LANCL2: variants seen among roughly 807,000 people sequenced by gnomAD.
LANCL2 encodes LanC like glutathione S-transferase 2.
LANCL2 carries 33 observed loss-of-function variants against 56.9 expected under a neutral mutation model. The ratio of observed to expected loss-of-function variants is 0.58; its 90% CI spans 0.44 to 0.78. LANCL2 has a LOEUF of 0.78. Among genes scored for constraint, LANCL2 ranks in the 30% least tolerant of loss-of-function variants. The pLI is 0.00. For missense variants in LANCL2, 562 were observed against 580.2 expected (o/e 0.97, Z 0.32); for synonymous variants, 233 against 228.2 (o/e 1.02, Z -0.19).
In LANCL2 at chr7:55,403,171, G is replaced by A. The variant is rs541570523; in HGVS notation, c.825+1851G>A. Among the ~76,000 whole-genome samples the A allele has an allele frequency of 1.2e-4, 18 of 152,390 alleles. No homozygotes were observed. In the East Asian group the frequency reaches 3.3e-3, roughly 28 times the overall value. The stretch of plus-strand genomic sequence containing the variant: ...ACCATTGAACACTGAGTGAGTGAAC[G>A]CGACTCCGTCTGCCATCCCGGCACC... On this transcript the variant is annotated intron_variant, in intron 5 of 8. Transcript: ENST00000254770.
rs1245623798 is a variant in LANCL2, at chr7:55,433,180, C to G, written c.*1860C>G. 1 of 152,330 alleles carries G rather than the reference C, an allele frequency of 6.6e-6. No individual in the cohort carries two copies. The highest frequency in any genetic ancestry group is 1.5e-5 in the Non-Finnish European group (1 of 68,092). The allele number at this position is 152,330 out of a possible 1,614,324, so 9.4% of individuals were successfully genotyped here. On this transcript the variant is annotated 3_prime_UTR_variant, in exon 9 of 9. Coordinates refer to ENST00000254770, the MANE Select transcript of LANCL2 (RefSeq NM_018697.4). ...CAGACGAGGAGGCAGCGGGTGCAGC[C>G]AGGTGTCTGCAGAGCAGCCACAAAG...
At position 55,431,523 on chromosome 7, in the gene LANCL2, C is replaced by T; in HGVS notation, c.*203C>T. On this transcript the variant is annotated 3_prime_UTR_variant, in exon 9 of 9. Coordinates refer to ENST00000254770, the MANE Select transcript of LANCL2 (RefSeq NM_018697.4). ...ATCAATATAAAATATGACTTCTTCA[C>T]ATACAGATTCTCTGTAGTGTTTGCA... is the stretch of plus-strand genomic sequence containing the variant. 2 of 530,786 alleles carry T rather than the reference C, an allele frequency of 3.8e-6. No homozygotes were observed. Among genetic ancestry groups the T allele is most frequent in the Non-Finnish European group, 6.6e-6 (2 of 301,036 alleles). 32.9% of individuals were successfully genotyped at this position (530,786 alleles called of 1,614,324 possible).
At chr7:55,406,259 T>A (rs1790405602) in intron 5 of LANCL2, among the ~76,000 whole-genome samples, 2 of 152,170 alleles carry the variant, frequency 1.3e-5, no homozygotes, top group African/African-American at 4.8e-5. Flanking sequence ...TTTTCCACCC[T>A]CTGAGTCAAA....
At chr7:55,408,811 T>G (rs1436143726) in intron 5 of LANCL2, among the ~76,000 whole-genome samples, 2 of 151,470 alleles carry the variant, frequency 1.3e-5, no homozygotes, top group East Asian at 4.0e-4. Flanking sequence ...AAAGAGACAA[T>G]GCTTAAAACA....
intron 1 of LANCL2, among the ~76,000 whole-genome samples, chr7:55,372,756 A>T (rs1525807): frequency 0.35 from 53,471 of 152,098 alleles, 9,870 homozygotes; most frequent in African/African-American, 0.42. Flanking sequence ...TTTCAGTGGA[A>T]TACAGAAAAA....
At chr7:55,393,377 C>T (rs1455296741) in intron 2 of LANCL2, among the ~76,000 whole-genome samples, 2 of 152,062 alleles carry the variant, frequency 1.3e-5, no homozygotes, top group African/African-American at 4.8e-5. Context: ...ACTAAAAATA[C>T]GAAAATTAGC....
intron 1 of LANCL2, among the ~76,000 whole-genome samples, chr7:55,374,211 T>C (rs557520136): frequency 6.6e-6 from 1 of 152,376 alleles, no homozygotes; most frequent in African/African-American, 2.4e-5. Flanking sequence ...GTAAACTTCC[T>C]TGTGGTTATG....
intron 1 of LANCL2, among the ~76,000 whole-genome samples, chr7:55,377,304 C>T (rs928448180): frequency 1.3e-5 from 2 of 152,012 alleles, no homozygotes; most frequent in Admixed American, 1.3e-4. Context: ...CTCAATTATT[C>T]CTGTGATGTA....
At chr7:55,367,249 C>T (rs962651669) in intron 1 of LANCL2, among the ~76,000 whole-genome samples, 11 of 152,198 alleles carry the variant, frequency 7.2e-5, no homozygotes, top group African/African-American at 2.4e-4. Context: ...AAAACCGTAC[C>T]TTTACCAGGT....
rs1790089834 is a variant in LANCL2 at position 55,383,381 on chromosome 7, G to A, written c.205-8412G>A. Among the ~76,000 whole-genome samples the A allele has an allele frequency of 2.0e-5, 3 of 152,080 alleles. No homozygotes were observed. In the South Asian group the frequency reaches 6.2e-4, roughly 32 times the overall value. On this transcript the variant is annotated intron_variant, in intron 1 of 8. Transcript: ENST00000254770. ...AGGAGGCAGTATCTGATTTACATAG[G>A]GCCCAGGGGATTGGTTTGACCATGT...
chr7:55,428,309 T>G, intron 7 of LANCL2, 66 bp from the exon 8 acceptor site: 7 of 1,383,106 alleles, frequency 5.1e-6, no homozygotes, highest in Non-Finnish European at 6.2e-6. Context: ...AGACATTGCA[T>G]TCTCATTTAT....
chr7:55,425,999 A>G (rs1006510652), intron 7 of LANCL2, among the ~76,000 whole-genome samples: 5 of 152,094 alleles, frequency 3.3e-5, no homozygotes, highest in African/African-American at 1.2e-4. Context: ...TGCCCTCTCT[A>G]AGAACGGAGT....
chr7:55,422,410 C>T (rs1348909779), intron 6 of LANCL2, among the ~76,000 whole-genome samples: 4 of 152,092 alleles, frequency 2.6e-5, no homozygotes, highest in African/African-American at 4.8e-5. Flanking sequence ...GGAACATGTG[C>T]TTTTTCTCTA....
chr7:55,409,729 G>A (rs1790451624), intron 5 of LANCL2, among the ~76,000 whole-genome samples: 1 of 152,194 alleles, frequency 6.6e-6, no homozygotes, highest in Non-Finnish European at 1.5e-5. Flanking sequence ...CAAAGTCATA[G>A]TAGATTTGAC....
rs34481346 is a variant in LANCL2, at chr7:55,403,569, G to GTTTTTTTTTT, written c.825+2260_825+2269dup. On this transcript the variant is annotated intron_variant, in intron 5 of 8. Coordinates refer to ENST00000254770, the MANE Select transcript of LANCL2 (RefSeq NM_018697.4). Reference sequence around the variant, plus strand: ...TCTGGGTTTTTTTTGTTTGTTTGTTGTTTTTTTTTTTTTTTTTTTTGAGAC... The same window carrying GTTTTTTTTTT: ...TCTGGGTTTTTTTTGTTTGTTTGTTGTTTTTTTTTTTTTTTTTTTTTTTTTTTTTTGAGAC... 2.0e-5 allele frequency among the ~76,000 whole-genome samples: 2 copies of GTTTTTTTTTT among 99,486 alleles called. 1 individual carries two copies. The highest frequency in any genetic ancestry group is 7.8e-5 in the African/African-American group (2 of 25,530). 65.3% of individuals were successfully genotyped at this position (99,486 alleles called of 152,430 possible). A position where few individuals can be genotyped will look rare whatever the true frequency, so the allele number is the denominator to read the frequency against.
At position 55,425,358 on chromosome 7, in the gene LANCL2, T is replaced by C; in HGVS notation, c.1113T>C (p.Ala371=). Residue 371 remains alanine (A), a synonymous_variant, in exon 7 of 9, where the codon GCT becomes GCC. Transcript: ENST00000254770. ...GCTACGGGATATGCCATGGGACTGC[T>C]GGCAACGGCTATTCCTTCCTGTCCC... ...RKGYGICHGT[A]GNGYSFLSLY... 6.2e-7 allele frequency: 1 copy of C among 1,614,212 alleles called. No homozygotes were observed. Among genetic ancestry groups the C allele is most frequent in the Non-Finnish European group, 8.5e-7 (1 of 1,180,042 alleles).
At chr7:55,375,661 G>A (rs1178809219) in intron 1 of LANCL2, among the ~76,000 whole-genome samples, 1 of 152,238 alleles carries the variant, frequency 6.6e-6, no homozygotes, top group Non-Finnish European at 1.5e-5. Flanking sequence ...TTAAAATGAA[G>A]TCAGAAGTCC....
chr7:55,366,494 C>T (rs1279337751), intron 1 of LANCL2, among the ~76,000 whole-genome samples: 1 of 152,238 alleles, frequency 6.6e-6, no homozygotes, highest in African/African-American at 2.4e-5. Context: ...TCCTTCTTGG[C>T]CCGAGCGGCG....
intron 6 of LANCL2, 149 bp downstream of exon 6, chr7:55,412,238 AC>A (rs1393091195): frequency 1.5e-6 from 1 of 651,254 alleles, no homozygotes; most frequent in Non-Finnish European, 2.6e-6. Flanking sequence ...TCTGTATTTT[AC>A]CACTCATCAC....
Sources: allele counts gnomAD v4.1 joint callset (sites outside exome capture counted in the v4.1 genomes callset), GRCh38; gene constraint gnomAD v4.1.1; transcripts MANE v1.5; gene names NCBI Gene and HGNC (gene_info 2026-07-23, HGNC 2026-07-21).